The following SDK1 variants were observed in gnomAD, a reference collection of about 807,000 sequenced individuals.
SDK1 encodes the protein protein sidekick-1.
SDK1 carries 157 observed loss-of-function variants against 245.5 expected under a neutral mutation model. The ratio of observed to expected loss-of-function variants is 0.64; its 90% CI spans 0.56 to 0.73. The LOEUF is 0.73. Among genes scored for constraint, SDK1 ranks in the 30% least tolerant of loss-of-function variants. The pLI is 0.00. For synonymous variants in SDK1, 1,647 were observed against 1,278.5 expected, an observed-to-expected ratio of 1.29 and a Z score of -6.15; for missense variants, 3,583 against 3,002.3, an observed-to-expected ratio of 1.19 and a Z score of -4.52.
intron 5 of SDK1, among the ~76,000 whole-genome samples, chr7:3,827,934 T>G (rs906710694): frequency 1.3e-5 from 2 of 152,204 alleles, no homozygotes; most frequent in Non-Finnish European, 2.9e-5. Flanking sequence ...CAGTGAGATT[T>G]CAGCATTTAT....
intron 1 of SDK1, among the ~76,000 whole-genome samples, chr7:3,534,815 A>G (rs778277461): frequency 3.5e-4 from 54 of 152,350 alleles, no homozygotes; most frequent in Non-Finnish European, 6.8e-4. Context: ...TCAAGCTGGA[A>G]ATAGATGCCG....
At chr7:4,224,136 C>T (rs770402582) in intron 40 of SDK1, among the ~76,000 whole-genome samples, 2 of 152,196 alleles carry the variant, frequency 1.3e-5, no homozygotes, top group Non-Finnish European at 2.9e-5. Context: ...CTGCAGGTGC[C>T]TCCAGGTGAT....
intron 43 of SDK1, among the ~76,000 whole-genome samples, chr7:4,243,535 G>A (rs1786657259): frequency 1.3e-5 from 2 of 152,230 alleles, no homozygotes; most frequent in Admixed American, 1.3e-4. Context: ...ATGGCGGAAG[G>A]CAAGGAGGAG....
intron 1 of SDK1, among the ~76,000 whole-genome samples, chr7:3,604,166 A>G (rs1254740523): frequency 1.3e-5 from 2 of 152,180 alleles, no homozygotes; most frequent in Non-Finnish European, 2.9e-5. Flanking sequence ...TGTCTCTGCC[A>G]GGCTTTGGTA....
At chr7:3,645,216 C>G (rs1039441829) in intron 4 of SDK1, among the ~76,000 whole-genome samples, 2 of 152,102 alleles carry the variant, frequency 1.3e-5, no homozygotes, top group South Asian at 2.1e-4. Context: ...AGTAAAGATG[C>G]TAGAAGGGCT....
At chr7:4,021,706 C>T (rs1023409750) in intron 17 of SDK1, among the ~76,000 whole-genome samples, 1 of 152,212 alleles carries the variant, frequency 6.6e-6, no homozygotes, top group African/African-American at 2.4e-5. Flanking sequence ...AAGGAACTTT[C>T]TTAGAAGTTC....
intron 1 of SDK1, among the ~76,000 whole-genome samples, chr7:3,465,214 C>T (rs568915227): frequency 1.3e-5 from 2 of 152,290 alleles, no homozygotes; most frequent in East Asian, 3.9e-4. Context: ...TGTAGCATCT[C>T]TGGATTCTGG....
intron 4 of SDK1, among the ~76,000 whole-genome samples, chr7:3,809,177 C>G (rs1779324039): frequency 6.6e-6 from 1 of 152,010 alleles, no homozygotes; most frequent in Admixed American, 6.5e-5. Context: ...AGGAGGCGCG[C>G]TACATGGCGA....
Position 4,205,868 on chromosome 7 carries a change from T to C in SDK1, c.5099-11T>C, listed in dbSNP as rs1448093678. The C allele has an allele frequency of 6.5e-7, 1 of 1,549,592 alleles. No homozygotes were observed. Among genetic ancestry groups the C allele is most frequent in the Middle Eastern group, 1.7e-4 (1 of 5,960 alleles). On this transcript the variant is annotated splice_polypyrimidine_tract_variant and intron_variant, in intron 35 of 44. Coordinates refer to ENST00000404826, the MANE Select transcript of SDK1 (RefSeq NM_152744.4). ...ACGTCTCAGCTTCTCTCCGCATTGC[T>C]CTTTCCTCAGCCCCGGCCATGGCCC...
chr7:3,472,557 CTG>C (rs1781216977), intron 1 of SDK1, among the ~76,000 whole-genome samples: 1 of 152,138 alleles, frequency 6.6e-6, no homozygotes, highest in South Asian at 2.1e-4. Flanking sequence ...ATAATTATAA[CTG>C]ATAATAGCTG....
intron 5 of SDK1, among the ~76,000 whole-genome samples, chr7:3,869,396 T>A (rs1489385980): frequency 2.6e-5 from 4 of 152,128 alleles, no homozygotes; most frequent in Admixed American, 2.6e-4. Flanking sequence ...CCTCAGGTGA[T>A]CTGCCTGCCT....
chr7:3,415,643 T>C (rs1779342921), intron 1 of SDK1, among the ~76,000 whole-genome samples: 1 of 151,672 alleles, frequency 6.6e-6, no homozygotes, highest in South Asian at 2.1e-4. Flanking sequence ...TGATAGTAGT[T>C]GCTTTGTATC....
chr7:3,360,351 C>T (rs184001870), intron 1 of SDK1, among the ~76,000 whole-genome samples: 292 of 152,300 alleles, frequency 1.9e-3, no homozygotes, highest in Admixed American at 3.2e-3. Flanking sequence ...GGCAGATTCT[C>T]ATCAGACAGG....
intron 4 of SDK1, among the ~76,000 whole-genome samples, chr7:3,716,404 C>G (rs1785202427): frequency 6.6e-6 from 1 of 152,072 alleles, no homozygotes; most frequent in Non-Finnish European, 1.5e-5. Context: ...AATTAGAACT[C>G]TGAAAAAAAT....
At chr7:3,943,194 A>G (rs1034679554) in intron 5 of SDK1, among the ~76,000 whole-genome samples, 3 of 152,160 alleles carry the variant, frequency 2.0e-5, no homozygotes, top group Non-Finnish European at 4.4e-5. Flanking sequence ...TTTTCCTGAA[A>G]ATAGAAGGCT....
Position 4,161,856 on chromosome 7 carries a change from G to A in SDK1, c.4800G>A (p.Gln1600=), listed in dbSNP as rs758990098. The A allele has an allele frequency of 1.9e-6, 3 of 1,613,634 alleles. No homozygotes were observed. The highest frequency in any genetic ancestry group is 2.5e-6 in the Non-Finnish European group (3 of 1,179,638). The part of the protein sequence containing the change: ...HTTSSVLIQW[Q]PPRDESLNGL... ...CGTCCTCTGTCCTGATACAGTGGCA[G>A]GTAAGAGCGCGGGGAATCACGCGCG... The change falls in exon 32 of 45, where the codon CAG becomes CAA. Residue 1600 remains glutamine, a splice_region_variant and synonymous_variant. Transcript: ENST00000404826.
At chr7:3,790,792 G>A (rs1429528321) in intron 4 of SDK1, among the ~76,000 whole-genome samples, 1 of 152,110 alleles carries the variant, frequency 6.6e-6, no homozygotes, top group Admixed American at 6.5e-5. Flanking sequence ...GAGCGAAACT[G>A]TCGCCAAAAA....
chr7:4,186,936 G>A (rs542584229), intron 35 of SDK1, among the ~76,000 whole-genome samples: 19 of 152,292 alleles, frequency 1.2e-4, no homozygotes, highest in African/African-American at 4.3e-4. Flanking sequence ...ACCTGGGATT[G>A]CCACCCCTGG....
chr7:3,435,775 C>G (rs934967418), intron 1 of SDK1, among the ~76,000 whole-genome samples: 1 of 152,112 alleles, frequency 6.6e-6, no homozygotes, highest in Non-Finnish European at 1.5e-5. Flanking sequence ...GTGGCTTGTT[C>G]TCTGCTCTGC....
Sources: gnomAD v4.1 joint callset for allele counts (sites outside exome capture counted in the v4.1 genomes callset) on GRCh38, gnomAD v4.1.1 for gene constraint, MANE v1.5 for transcripts, NCBI Gene and HGNC (gene_info 2026-07-23, HGNC 2026-07-21) for gene names.